The following STS variants were observed in gnomAD, a reference collection of about 807,000 sequenced individuals.
The protein encoded by STS is steroid sulfatase.
STS carries 7 observed loss-of-function variants against 26.8 expected under a neutral mutation model. The observed-to-expected ratio is 0.26, with a 90% CI of 0.15 to 0.49. The LOEUF (loss-of-function observed/expected upper bound fraction) is 0.49, where lower values mean the gene tolerates loss of function less well. Ranked by LOEUF, STS falls within the 20% of genes least tolerant of loss-of-function variation. STS has a pLI of 0.98. For synonymous variants in STS, 199 were observed against 189.4 expected (o/e 1.05, Z -0.42); for missense variants, 434 against 465.6 (o/e 0.93, Z 0.63).
chrX:7,334,106 C>T lies in STS; in HGVS notation c.1362C>T (p.Asn454=). The T allele has an allele frequency of 8.3e-7, 1 of 1,211,608 alleles. No individual in the cohort carries two copies. The highest frequency in any genetic ancestry group is 1.1e-6 in the Non-Finnish European group (1 of 895,355). ...ATGCTGTGCGCTGGCACCCTCAGAA[C>T]AGTGAGTAAACAGACCTTTCCACGC... ...YLNAVRWHPQ[N]STSIWKAFFF... is the part of the protein sequence containing the mutation. The change falls in exon 10 of 11, where the codon AAC becomes AAT. Residue 454 remains asparagine, a splice_region_variant and synonymous_variant. Coordinates refer to ENST00000674429, the MANE Select transcript of STS (RefSeq NM_001320752.2).
chrX:7,163,555 G>A (rs778522427), intron 1 of STS, among the ~76,000 whole-genome samples: 5 of 112,236 alleles, frequency 4.5e-5, no homozygotes, highest in Admixed American at 9.4e-5. Context: ...AAGTGACTTG[G>A]CCAAGGTTCT....
chrX:7,306,018 A>T (rs1926198754), intron 8 of STS, among the ~76,000 whole-genome samples: 1 of 111,018 alleles, frequency 9.0e-6, no homozygotes, highest in Non-Finnish European at 1.9e-5. Flanking sequence ...CTTTTCAAAA[A>T]TTTTTTTTGC....
intron 8 of STS, among the ~76,000 whole-genome samples, chrX:7,308,764 G>C (rs1246617759): frequency 8.9e-6 from 1 of 111,948 alleles, no homozygotes; most frequent in Admixed American, 9.5e-5. Context: ...AGTTCACAGT[G>C]AAACACTGTT....
intron 8 of STS, among the ~76,000 whole-genome samples, chrX:7,320,268 A>G (rs1453881676): frequency 1.9e-5 from 2 of 106,449 alleles, no homozygotes; most frequent in African/African-American, 3.4e-5. Flanking sequence ...TCACCCAGCT[A>G]TCTGCAATCT....
chrX:7,154,242 G>A (rs1330196795), intron 1 of STS, among the ~76,000 whole-genome samples: 2 of 112,003 alleles, frequency 1.8e-5, no homozygotes, highest in East Asian at 5.6e-4. Context: ...TCTAATGTGC[G>A]CCTTGCGTCG....
At chrX:7,269,116 A>G (rs996416476) in intron 6 of STS, among the ~76,000 whole-genome samples, 2 of 101,128 alleles carry the variant, frequency 2.0e-5, no homozygotes, top group Non-Finnish European at 4.0e-5. Flanking sequence ...GCACCACTGC[A>G]CTCCAGCCTG....
At chrX:7,257,444 G>A (rs766165860) in intron 4 of STS, 22 bp from the exon 5 acceptor site, 5 of 1,212,232 alleles carry the variant, frequency 4.1e-6, no homozygotes, top group East Asian at 5.9e-5. Flanking sequence ...GGTTCCTAAG[G>A]GTTGATTTTT....
intron 7 of STS, among the ~76,000 whole-genome samples, chrX:7,297,030 C>T (rs1387481878): frequency 8.9e-6 from 1 of 111,920 alleles, no homozygotes; most frequent in Admixed American, 9.5e-5. Flanking sequence ...GTTTTAAGTA[C>T]CCTAATAATT....
At chrX:7,155,687 TAAG>T (rs1244967715) in intron 1 of STS, among the ~76,000 whole-genome samples, 1 of 112,065 alleles carries the variant, frequency 8.9e-6, no homozygotes, top group African/African-American at 3.2e-5. Context: ...TTAAGAAAGT[TAAG>T]AAGAAAGGTG....
At chrX:7,257,202 A>T in intron 3 of STS, 40 bp from the exon 4 acceptor site, 1 of 1,207,437 alleles carries the variant, frequency 8.3e-7, no homozygotes, top group African/African-American at 1.7e-5. Flanking sequence ...ATGAACAATA[A>T]ATGAAAATGA....
chrX:7,289,425 A>G (rs1028361885), intron 7 of STS, among the ~76,000 whole-genome samples: 1 of 111,573 alleles, frequency 9.0e-6, no homozygotes, highest in Non-Finnish European at 1.9e-5. Flanking sequence ...TTGGATGAGG[A>G]GCACAAAGCC....
In STS at chrX:7,352,519, T is replaced by A. The variant is rs1928848286; in HGVS notation, c.*2258T>A. 8.9e-6 allele frequency: 1 copy of A among 112,039 alleles called. No homozygotes were observed. 9.2% of individuals were successfully genotyped at this position (112,039 alleles called of 1,213,427 possible). ...TCAAACCATTTACCATCTGAAAGTT[T>A]TGATTTGAATGTAAAACAGGAAATT... On this transcript the variant is annotated 3_prime_UTR_variant, in exon 11 of 11. Transcript: ENST00000674429.
chrX:7,256,627 G>A (rs189495451), intron 3 of STS, among the ~76,000 whole-genome samples: 25 of 111,577 alleles, frequency 2.2e-4, no homozygotes, highest in African/African-American at 8.1e-4. Flanking sequence ...GATGTGGATC[G>A]GAGAAGAGTG....
chrX:7,349,165 T>A (rs1182548341), intron 10 of STS, among the ~76,000 whole-genome samples: 9 of 100,022 alleles, frequency 9.0e-5, no homozygotes, highest in African/African-American at 2.9e-4. Context: ...TTTTTTTTTT[T>A]AATTTCTTAT....
intron 2 of STS, among the ~76,000 whole-genome samples, chrX:7,244,534 T>C (rs969144418): frequency 4.5e-4 from 50 of 111,338 alleles, no homozygotes; most frequent in African/African-American, 1.6e-3. Context: ...GAGGTGAAAA[T>C]TCTACAGATG....
intron 2 of STS, chrX:7,219,488 C>T: frequency 1.4e-5 from 16 of 1,123,958 alleles, no homozygotes; most frequent in Admixed American, 5.5e-5. Context: ...CAGCAGCTGA[C>T]GGGACCCAGC....
At chrX:7,215,010 G>GTA (rs202193627) in intron 2 of STS, among the ~76,000 whole-genome samples, 24 of 78,805 alleles carry the variant, frequency 3.0e-4, no homozygotes, top group African/African-American at 7.3e-4. Context: ...ACATATATAC[G>GTA]TATATATATA....
At chrX:7,230,785 C>T (rs1569195981) in intron 2 of STS, among the ~76,000 whole-genome samples, 1 of 111,611 alleles carries the variant, frequency 9.0e-6, no homozygotes, top group East Asian at 2.8e-4. Context: ...CACCTCCCAC[C>T]AAGTCTCTCC....
intron 6 of STS, 92 bp from the exon 7 acceptor site, chrX:7,275,859 A>G (rs2147106487): frequency 9.6e-7 from 1 of 1,046,097 alleles, no homozygotes; most frequent in African/African-American, 1.9e-5. Flanking sequence ...GCCTGCTATG[A>G]TAATAGGTGG....
Sources: allele counts gnomAD v4.1 joint callset (sites outside exome capture counted in the v4.1 genomes callset), GRCh38; gene constraint gnomAD v4.1.1; transcripts MANE v1.5; gene names NCBI Gene and HGNC (gene_info 2026-07-23, HGNC 2026-07-21).